Variants in SGCZ observed in about 807,000 individuals in gnomAD.
The protein encoded by SGCZ is zeta-sarcoglycan.
Under a neutral mutation model 41.3 loss-of-function variants are expected in SGCZ, and 40 were observed. The observed-to-expected ratio is 0.97, with a 90% confidence interval of 0.75 to 1.26. The LOEUF (loss-of-function observed/expected upper bound fraction) is 1.26, where lower values mean the gene tolerates loss of function less well. Among genes scored for constraint, SGCZ ranks in the 50% most tolerant of loss-of-function variants. The pLI is 0.00. For missense variants in SGCZ, 552 were observed against 369.8 expected, an observed-to-expected ratio of 1.49 and a Z score of -4.04; for synonymous variants, 206 against 137.5, an observed-to-expected ratio of 1.50 and a Z score of -3.49.
At chr8:14,769,306 C>G (rs1451718103) in intron 1 of SGCZ, among the ~76,000 whole-genome samples, 1 of 152,040 alleles carries the variant, frequency 6.6e-6, no homozygotes, top group Non-Finnish European at 1.5e-5. Flanking sequence ...TGTGAAAAAC[C>G]CTTTCTGCAA....
chr8:15,153,060 G>C (rs1178372135), intron 1 of SGCZ, among the ~76,000 whole-genome samples: 1 of 152,150 alleles, frequency 6.6e-6, no homozygotes, highest in African/African-American at 2.4e-5. Context: ...CTTAACCAGA[G>C]TTTCTCATCT....
intron 2 of SGCZ, among the ~76,000 whole-genome samples, chr8:14,398,109 G>A (rs191005097): frequency 1.2e-4 from 18 of 152,194 alleles, no homozygotes; most frequent in Admixed American, 1.2e-3. Flanking sequence ...ACATCAAGTA[G>A]TCTAGATTTT....
At chr8:14,222,711 A>C (rs1224298754) in intron 4 of SGCZ, among the ~76,000 whole-genome samples, 1 of 150,902 alleles carries the variant, frequency 6.6e-6, no homozygotes, top group African/African-American at 2.4e-5. Context: ...GAAGAGACTT[A>C]ATGTTTGGTT....
intron 1 of SGCZ, among the ~76,000 whole-genome samples, chr8:14,718,416 T>G (rs968369041): frequency 6.6e-6 from 1 of 152,006 alleles, no homozygotes; most frequent in Non-Finnish European, 1.5e-5. Context: ...TATATACGAC[T>G]AATCATGTGA....
intron 2 of SGCZ, among the ~76,000 whole-genome samples, chr8:14,331,270 A>G (rs918710759): frequency 3.7e-4 from 57 of 152,088 alleles, no homozygotes; most frequent in Non-Finnish European, 3.5e-4. Context: ...TTTTGCTATT[A>G]ATTTTTAAAT....
intron 1 of SGCZ, among the ~76,000 whole-genome samples, chr8:14,830,405 A>G (rs74469529): frequency 0.064 from 9,717 of 152,222 alleles, 433 homozygotes; most frequent in African/African-American, 0.13. Flanking sequence ...AATATTGTCA[A>G]TTTTTACAAT....
At chr8:15,074,752 C>G (rs1805468422) in intron 1 of SGCZ, among the ~76,000 whole-genome samples, 1 of 152,102 alleles carries the variant, frequency 6.6e-6, no homozygotes, top group African/African-American at 2.4e-5. Flanking sequence ...GACAATGTTC[C>G]TTTTGCCCTC....
intron 2 of SGCZ, among the ~76,000 whole-genome samples, chr8:14,372,859 T>C (rs1156321862): frequency 6.6e-6 from 1 of 152,152 alleles, no homozygotes; most frequent in Non-Finnish European, 1.5e-5. Flanking sequence ...AGAGAAGCAG[T>C]AGCAGTTCAC....
At chr8:14,419,139 T>C (rs1289076228) in intron 2 of SGCZ, among the ~76,000 whole-genome samples, 1 of 151,840 alleles carries the variant, frequency 6.6e-6, no homozygotes. Context: ...ATATTTAATA[T>C]ATTACCAAAC....
chr8:14,452,945 A>C (rs367712345), intron 2 of SGCZ, among the ~76,000 whole-genome samples: 4 of 151,998 alleles, frequency 2.6e-5, no homozygotes, highest in Non-Finnish European at 4.4e-5. Flanking sequence ...TCTACCAAAA[A>C]TACAAAAATT....
At chr8:14,828,324 A>G (rs1802410440) in intron 1 of SGCZ, among the ~76,000 whole-genome samples, 1 of 152,206 alleles carries the variant, frequency 6.6e-6, no homozygotes, top group African/African-American at 2.4e-5. Context: ...TCTTATTTGT[A>G]TCCTAATTGA....
At position 14,414,087 on chromosome 8, in the gene SGCZ, A is replaced by G. The variant is rs548693278; in HGVS notation, c.235-89883T>C. Reference sequence around the variant, plus strand: ...CCACGTTAGTTTTAACATCAGATAAATTTAGCAGTCTTAGCTATATAATGT... The same window carrying G: ...CCACGTTAGTTTTAACATCAGATAAGTTTAGCAGTCTTAGCTATATAATGT... On this transcript the variant is annotated intron_variant, in intron 2 of 7. Coordinates refer to ENST00000382080, the MANE Select transcript of SGCZ (RefSeq NM_139167.4). Among the ~76,000 whole-genome samples, 82 of 152,120 alleles carry G rather than the reference A, an allele frequency of 5.4e-4. No individual in the cohort carries two copies. The Middle Eastern group carries it at 0.01, about 19-fold the overall frequency.
At chr8:14,509,171 TATATGTGGTCATAAAGCTTCTAAACTTA>T (rs1181479144) in intron 2 of SGCZ, among the ~76,000 whole-genome samples, 1 of 152,104 alleles carries the variant, frequency 6.6e-6, no homozygotes, top group African/African-American at 2.4e-5. Flanking sequence ...TTTTTTGCTG[TATATGTGGTCATAAAGCTTCTAAACTTA>T]ATACCATTAT....
chr8:14,624,388 T>A (rs190862247), intron 1 of SGCZ, among the ~76,000 whole-genome samples: 1 of 151,866 alleles, frequency 6.6e-6, no homozygotes, highest in Non-Finnish European at 1.5e-5. Flanking sequence ...GAAAGTAAAA[T>A]TCATCGACTT....
intron 4 of SGCZ, among the ~76,000 whole-genome samples, chr8:14,169,275 A>T (rs750120999): frequency 1.3e-5 from 2 of 152,120 alleles, no homozygotes; most frequent in Non-Finnish European, 2.9e-5. Context: ...TCTGCCAGCT[A>T]CTGTCTCCCC....
At chr8:14,214,624 A>T (rs1805929320) in intron 4 of SGCZ, among the ~76,000 whole-genome samples, 1 of 152,172 alleles carries the variant, frequency 6.6e-6, no homozygotes, top group South Asian at 2.1e-4. Context: ...TATATTGTTT[A>T]TGAGAAAATA....
At chr8:14,396,973 A>G (rs1404228191) in intron 2 of SGCZ, among the ~76,000 whole-genome samples, 2 of 152,338 alleles carry the variant, frequency 1.3e-5, no homozygotes, top group East Asian at 1.9e-4. Flanking sequence ...CTTCTCCTTT[A>G]TAAGATTGTT....
At chr8:14,214,916 T>C (rs1805942815) in intron 4 of SGCZ, among the ~76,000 whole-genome samples, 1 of 152,122 alleles carries the variant, frequency 6.6e-6, no homozygotes, top group Non-Finnish European at 1.5e-5. Flanking sequence ...CCACAAATTA[T>C]AGCTGGATAC....
chr8:15,180,648 G>A (rs1800144995), intron 1 of SGCZ, among the ~76,000 whole-genome samples: 1 of 151,992 alleles, frequency 6.6e-6, no homozygotes, highest in South Asian at 2.1e-4. Context: ...CACTTTGGGA[G>A]GCCAAGGCAG....
Sources: gnomAD v4.1 joint callset for allele counts (sites outside exome capture counted in the v4.1 genomes callset) on GRCh38, gnomAD v4.1.1 for gene constraint, MANE v1.5 for transcripts, NCBI Gene and HGNC (gene_info 2026-07-23, HGNC 2026-07-21) for gene names.